UNC5C: variants seen among roughly 807,000 people sequenced by gnomAD.
The protein encoded by UNC5C is netrin receptor UNC5C.
In UNC5C, 47 loss-of-function variants were observed where a neutral mutation model predicts 99.8. The observed-to-expected ratio is 0.47, with a 90% CI of 0.37 to 0.60. The LOEUF is 0.60. Among genes scored for constraint, UNC5C ranks in the 20% least tolerant of loss-of-function variants. The pLI is 0.00. For missense variants in UNC5C, 1,062 were observed against 1,165.9 expected (o/e 0.91, Z 1.30); for synonymous variants, 487 against 452.2 (o/e 1.08, Z -0.98).
At chr4:95,224,516 A>G (rs1328394670) in intron 7 of UNC5C, among the ~76,000 whole-genome samples, 1 of 152,224 alleles carries the variant, frequency 6.6e-6, no homozygotes, top group African/African-American at 2.4e-5. Flanking sequence ...TTTCACAAAT[A>G]TTATGTAGAT....
intron 12 of UNC5C, among the ~76,000 whole-genome samples, chr4:95,199,385 A>T (rs1737561679): frequency 6.6e-6 from 1 of 152,100 alleles, no homozygotes; most frequent in Admixed American, 6.6e-5. Flanking sequence ...GGATTTTGGT[A>T]TTTCTGCATT....
intron 10 of UNC5C, among the ~76,000 whole-genome samples, chr4:95,213,699 A>C (rs1335651388): frequency 6.6e-6 from 1 of 152,222 alleles, no homozygotes; most frequent in Non-Finnish European, 1.5e-5. Flanking sequence ...AATCAGAGAG[A>C]AGGAAAATGG....
chr4:95,219,363 A>G (rs936383298), intron 8 of UNC5C, 50 bp from the exon 9 acceptor site: 2 of 1,558,544 alleles, frequency 1.3e-6, no homozygotes. Context: ...ATTCAGGCCA[A>G]CCTACATTAG....
At position 95,245,093 on chromosome 4, in the gene UNC5C, C is replaced by T; in HGVS notation, c.827G>A (p.Cys276Tyr). 6.2e-7 allele frequency: 1 copy of T among 1,614,148 alleles called. No individual in the cohort carries two copies. The highest frequency in any genetic ancestry group is 8.5e-7 in the Non-Finnish European group (1 of 1,180,018). The part of the protein sequence containing the change: ...WTEWSVCNSR[C>Y]GRGYQKRTRT... ...TGTACGTTTCTGATACCCTCGTCCA[C>T]AGCGGCTGTTACACACAGACCACTC... Residue 276 changes from cysteine to tyrosine, a missense_variant, in exon 6 of 16, where the codon TGT becomes TAT. Coordinates refer to ENST00000453304, the MANE Select transcript of UNC5C (RefSeq NM_003728.4).
At chr4:95,438,218 G>A (rs541313334) in intron 1 of UNC5C, among the ~76,000 whole-genome samples, 143 of 152,112 alleles carry the variant, frequency 9.4e-4, no homozygotes, top group Non-Finnish European at 1.7e-3. Context: ...AGATGGTGAG[G>A]ACCCTGGACC....
chr4:95,485,890 G>A (rs938324084), intron 1 of UNC5C, among the ~76,000 whole-genome samples: 4 of 151,508 alleles, frequency 2.6e-5, no homozygotes, highest in Admixed American at 6.6e-5. Flanking sequence ...GTCCAACCAC[G>A]CATTTAATTA....
chr4:95,418,976 T>A (rs936932549), intron 1 of UNC5C, among the ~76,000 whole-genome samples: 5 of 152,218 alleles, frequency 3.3e-5, no homozygotes, highest in African/African-American at 1.2e-4. Context: ...TTTAGTCTGA[T>A]TCTGGAAGAT....
intron 7 of UNC5C, among the ~76,000 whole-genome samples, chr4:95,221,908 C>A (rs897593747): frequency 6.6e-6 from 1 of 152,086 alleles, no homozygotes; most frequent in Non-Finnish European, 1.5e-5. Context: ...TTTTTTCAAC[C>A]CTTTCTGTTT....
At position 95,311,538 on chromosome 4, in the gene UNC5C, T is replaced by TATTAA. The variant is rs1438277363; in HGVS notation, c.347-9790_347-9789insTTAAT. Among the ~76,000 whole-genome samples, 4 of 152,302 alleles carry TATTAA rather than the reference T, an allele frequency of 2.6e-5. No homozygotes were observed. In the East Asian group the frequency reaches 7.7e-4, roughly 29 times the overall value. ...TGTTTCAGGCATTCATGAGTAGTTTTAATACAATTTTAATAAAATTTAACA... is the reference window on the plus strand; with the variant it reads ...TGTTTCAGGCATTCATGAGTAGTTTTATTAAAATACAATTTTAATAAAATTTAACA... On this transcript the variant is annotated intron_variant, in intron 2 of 15. Coordinates refer to ENST00000453304, the MANE Select transcript of UNC5C (RefSeq NM_003728.4).
intron 1 of UNC5C, among the ~76,000 whole-genome samples, chr4:95,442,609 G>A (rs192368962): frequency 3.3e-5 from 5 of 152,086 alleles, no homozygotes; most frequent in African/African-American, 1.2e-4. Flanking sequence ...GAGACTACAG[G>A]CACACTTATC....
At chr4:95,445,442 G>A (rs1483908930) in intron 1 of UNC5C, among the ~76,000 whole-genome samples, 1 of 151,812 alleles carries the variant, frequency 6.6e-6, no homozygotes, top group Non-Finnish European at 1.5e-5. Context: ...TTCCAATTCC[G>A]CTCTTGATAA....
chr4:95,201,994 C>T (rs1737693028), intron 12 of UNC5C, among the ~76,000 whole-genome samples: 1 of 152,096 alleles, frequency 6.6e-6, no homozygotes, highest in Non-Finnish European at 1.5e-5. Context: ...TATTGCTGGT[C>T]AAAACCCAAT....
chr4:95,254,556 C>G lies in UNC5C; in HGVS notation c.595-3889G>C, dbSNP rs904647514. Among the ~76,000 whole-genome samples the G allele has an allele frequency of 4.6e-5, 7 of 152,140 alleles. No individual in the cohort carries two copies. In the South Asian group the frequency reaches 1.4e-3, roughly 32 times the overall value. ...ATCATTGCCCTTAAAAATGCAATCC[C>G]TGGATCAATAGCATCAGTGTCACTG... On this transcript the variant is annotated intron_variant, in intron 4 of 15. Transcript: ENST00000453304.
At chr4:95,210,664 G>A (rs1010803759) in intron 10 of UNC5C, among the ~76,000 whole-genome samples, 35 of 152,150 alleles carry the variant, frequency 2.3e-4, no homozygotes, top group African/African-American at 8.0e-4. Context: ...AGAAATTTCA[G>A]CAAAGAACAA....
At chr4:95,306,804 A>G (rs188885395) in intron 2 of UNC5C, among the ~76,000 whole-genome samples, 106 of 152,258 alleles carry the variant, frequency 7.0e-4, no homozygotes, top group Middle Eastern at 3.4e-3. Context: ...AGCTCCCTCC[A>G]CCAAATTTCA....
chr4:95,170,128 T>C (rs1023027618), intron 15 of UNC5C, 26 bp downstream of exon 15: 4 of 1,603,992 alleles, frequency 2.5e-6, no homozygotes, highest in Middle Eastern at 1.7e-4. Flanking sequence ...AGAAAGAAGC[T>C]AGTCTTGGGG....
chr4:95,400,769 G>A (rs183256461), intron 1 of UNC5C, among the ~76,000 whole-genome samples: 1 of 152,328 alleles, frequency 6.6e-6, no homozygotes, highest in African/African-American at 2.4e-5. Context: ...TCCACCCTGG[G>A]TTGAGCCTCG....
chr4:95,479,579 C>A (rs556172915), intron 1 of UNC5C, among the ~76,000 whole-genome samples: 1 of 151,758 alleles, frequency 6.6e-6, no homozygotes, highest in Admixed American at 6.6e-5. Context: ...AACTATAGTA[C>A]CCAGTGGAAG....
At chr4:95,394,056 T>A (rs907882922) in intron 1 of UNC5C, among the ~76,000 whole-genome samples, 2 of 152,180 alleles carry the variant, frequency 1.3e-5, no homozygotes, top group Admixed American at 6.5e-5. Flanking sequence ...TCTGCAAATC[T>A]GTACTGACTA....
Sources: allele counts gnomAD v4.1 joint callset (sites outside exome capture counted in the v4.1 genomes callset), GRCh38; gene constraint gnomAD v4.1.1; transcripts MANE v1.5; gene names NCBI Gene and HGNC (gene_info 2026-07-23, HGNC 2026-07-21).